Variants in PHIP observed in about 807,000 individuals in gnomAD.
PHIP encodes the protein PH-interacting protein.
Under a neutral mutation model 236.8 loss-of-function variants are expected in PHIP, and 54 were observed. The observed-to-expected ratio is 0.23, with a 90% confidence interval of 0.18 to 0.29. The LOEUF (loss-of-function observed/expected upper bound fraction) is 0.29, where lower values mean the gene tolerates loss of function less well. Among genes scored for constraint, PHIP ranks in the 10% least tolerant of loss-of-function variants. The pLI is 1.00. For missense variants in PHIP, 1,370 were observed against 2,190.8 expected, an observed-to-expected ratio of 0.63 and a Z score of 7.48; for synonymous variants, 756 against 718.9, an observed-to-expected ratio of 1.05 and a Z score of -0.83.
chr6:78,983,201 A>G, intron 22 of PHIP, 84 bp from the exon 23 acceptor site: 1 of 680,980 alleles, frequency 1.5e-6, no homozygotes, highest in South Asian at 2.8e-5. Flanking sequence ...AAAGATTATA[A>G]TAAAGAGAAA....
intron 7 of PHIP, among the ~76,000 whole-genome samples, chr6:79,027,848 T>C (rs981204262): frequency 6.6e-6 from 1 of 152,112 alleles, no homozygotes; most frequent in Non-Finnish European, 1.5e-5. Context: ...CAGGGTCAAA[T>C]GCATGACTTT....
chr6:79,075,576 C>G, intron 4 of PHIP, among the ~76,000 whole-genome samples: 1 of 111,402 alleles, frequency 9.0e-6, no homozygotes, highest in African/African-American at 3.5e-5. Context: ...TTCCTCCCCC[C>G]ACCCTCCCCC....
chr6:79,043,243 T>C (rs1281629811), intron 6 of PHIP, among the ~76,000 whole-genome samples: 18 of 151,570 alleles, frequency 1.2e-4, no homozygotes, highest in Admixed American at 1.1e-3. Context: ...AAATGACCTG[T>C]CCAAAAATCA....
chr6:79,027,562 T>C (rs768897589), intron 7 of PHIP, among the ~76,000 whole-genome samples: 5 of 152,156 alleles, frequency 3.3e-5, no homozygotes, highest in Non-Finnish European at 5.9e-5. Flanking sequence ...ACTAAAGATA[T>C]AAGAATGAGA....
intron 31 of PHIP, 152 bp downstream of exon 31, chr6:78,961,538 C>G (rs765172801): frequency 3.1e-6 from 2 of 654,308 alleles, no homozygotes; most frequent in Non-Finnish European, 2.5e-6. Flanking sequence ...CACTCCAAAT[C>G]TACTGAATAA....
At chr6:78,953,530 A>G (rs944651096) in intron 35 of PHIP, among the ~76,000 whole-genome samples, 2 of 152,250 alleles carry the variant, frequency 1.3e-5, no homozygotes, top group African/African-American at 4.8e-5. Flanking sequence ...AATGAAAGCC[A>G]GAACATTATA....
Position 79,076,494 on chromosome 6 carries a change from C to G in PHIP, c.189+954G>C, listed in dbSNP as rs75522484. 4.1e-3 allele frequency among the ~76,000 whole-genome samples: 628 copies of G among 152,252 alleles called. 2 individuals carry two copies. Among genetic ancestry groups the G allele is most frequent in the African/African-American group, 0.014 (568 of 41,548 alleles). ...AGAAAGTGTTACAGAAAATATAGCTCCTTTAAAGTAACTTCCAATCACAAT... is the reference window on the plus strand; with the variant it reads ...AGAAAGTGTTACAGAAAATATAGCTGCTTTAAAGTAACTTCCAATCACAAT... On this transcript the variant is annotated intron_variant, in intron 4 of 39. Coordinates refer to ENST00000275034, the MANE Select transcript of PHIP (RefSeq NM_017934.7).
chr6:79,007,676 T>TA (rs1770359873), intron 15 of PHIP, among the ~76,000 whole-genome samples: 1 of 134,950 alleles, frequency 7.4e-6, no homozygotes, highest in Non-Finnish European at 1.6e-5. Flanking sequence ...TTTTTTTTTT[T>TA]AAGCACACCG....
intron 15 of PHIP, among the ~76,000 whole-genome samples, chr6:79,004,736 C>T (rs751409487): frequency 1.3e-5 from 2 of 152,074 alleles, no homozygotes; most frequent in African/African-American, 4.8e-5. Context: ...CCGGTATCCA[C>T]TGATCTAGAA....
chr6:79,031,829 G>C (rs953744493), intron 7 of PHIP, among the ~76,000 whole-genome samples: 1 of 152,064 alleles, frequency 6.6e-6, no homozygotes, highest in Non-Finnish European at 1.5e-5. Flanking sequence ...TAAGCAATTA[G>C]TATTTTTTTC....
rs1766332347 is a variant in PHIP at position 78,955,158 on chromosome 6, T to TA, written c.3903+73dup. On this transcript the variant is annotated intron_variant, in intron 34 of 39. Transcript: ENST00000275034. ...TTAATGTCTTTTAAAATGCTAAGAG[T>TA]AAAAAAATAAAGAAAGCTCTTAATA... is the stretch of plus-strand genomic sequence containing the variant. The TA allele has an allele frequency of 5.6e-6, 6 of 1,070,942 alleles. No homozygotes were observed. The South Asian group carries it at 6.1e-5, about 11-fold the overall frequency. The allele number at this position is 1,070,942 out of a possible 1,614,324, so 66.3% of individuals were successfully genotyped here.
In PHIP at chr6:78,954,977, G is replaced by T. The variant is rs77835263; in HGVS notation, c.3904-14C>A. 4.4e-3 allele frequency: 6,663 copies of T among 1,516,348 alleles called. 100 individuals are homozygous for T. Among genetic ancestry groups the T allele is most frequent in the African/African-American group, 0.043 (3,018 of 70,344 alleles). 93.9% of individuals were successfully genotyped at this position (1,516,348 alleles called of 1,614,324 possible). ...AGGCTGATGGTCCTGTGATAAAAGT[G>T]TTCAAATATATTAATAAAAGAGCAC... On this transcript the variant is annotated splice_polypyrimidine_tract_variant and intron_variant, in intron 34 of 39. Coordinates refer to ENST00000275034, the MANE Select transcript of PHIP (RefSeq NM_017934.7).
chr6:79,077,370 C>T (rs1774225072), intron 4 of PHIP, 78 bp downstream of exon 4: 1 of 1,327,672 alleles, frequency 7.5e-7, no homozygotes, highest in East Asian at 2.6e-5. Context: ...GTTTTTGTCT[C>T]TGTAAAAAAT....
At chr6:78,973,404 T>C (rs1767770307) in intron 24 of PHIP, among the ~76,000 whole-genome samples, 1 of 149,334 alleles carries the variant, frequency 6.7e-6, no homozygotes, top group African/African-American at 2.5e-5. Flanking sequence ...GAAAAACCGG[T>C]ACCAGCCGCT....
chr6:79,075,258 G>A (rs952519759), intron 4 of PHIP, among the ~76,000 whole-genome samples: 37 of 152,066 alleles, frequency 2.4e-4, no homozygotes, highest in African/African-American at 8.5e-4. Context: ...CACACACCTA[G>A]ATATACAGTT....
At chr6:79,044,753 T>C (rs991972555) in intron 6 of PHIP, among the ~76,000 whole-genome samples, 2 of 152,174 alleles carry the variant, frequency 1.3e-5, no homozygotes, top group African/African-American at 2.4e-5. Flanking sequence ...AAGACCCATT[T>C]CTCGATGATT....
At chr6:79,011,195 C>G (rs1770556342) in intron 15 of PHIP, among the ~76,000 whole-genome samples, 1 of 151,858 alleles carries the variant, frequency 6.6e-6, no homozygotes, top group African/African-American at 2.4e-5. Context: ...TTGGAATATT[C>G]TTAATATACA....
chr6:78,991,814 G>C (rs1471851971), intron 19 of PHIP, among the ~76,000 whole-genome samples: 1 of 151,196 alleles, frequency 6.6e-6, no homozygotes, highest in African/African-American at 2.4e-5. Context: ...TTTAAATCTT[G>C]TGAAAAGAAC....
At chr6:79,037,572 A>T (rs1393792113) in intron 7 of PHIP, among the ~76,000 whole-genome samples, 1 of 152,148 alleles carries the variant, frequency 6.6e-6, no homozygotes, top group Non-Finnish European at 1.5e-5. Context: ...ATTAAAAAAT[A>T]ATAATAATAA....
Sources: gnomAD v4.1 joint callset for allele counts (sites outside exome capture counted in the v4.1 genomes callset) on GRCh38, gnomAD v4.1.1 for gene constraint, MANE v1.5 for transcripts, NCBI Gene and HGNC (gene_info 2026-07-23, HGNC 2026-07-21) for gene names.